PARG: variants seen among roughly 807,000 people sequenced by gnomAD.
PARG encodes poly(ADP-ribose) glycohydrolase.
PARG carries 35 observed loss-of-function variants against 113.0 expected under a neutral mutation model. The observed-to-expected ratio is 0.31, with a 90% CI of 0.24 to 0.41. The LOEUF is 0.41. Among genes scored for constraint, PARG ranks in the 10% least tolerant of loss-of-function variants. The probability of loss-of-function intolerance (pLI) is 1.00; values close to 1 mark genes in which losing one functional copy is unlikely to be tolerated. For synonymous variants in PARG, 330 were observed against 409.9 expected, an observed-to-expected ratio of 0.81 and a Z score of 2.36; for missense variants, 797 against 1,169.4, an observed-to-expected ratio of 0.68 and a Z score of 4.64.
At chr10:49,868,906 A>G (rs1222405298) in intron 10 of PARG, among the ~76,000 whole-genome samples, 2 of 152,000 alleles carry the variant, frequency 1.3e-5, no homozygotes, top group Non-Finnish European at 2.9e-5. Flanking sequence ...GGCAATACCA[A>G]TCTATTATCA....
chr10:49,891,964 T>G (rs1423904830), intron 7 of PARG, among the ~76,000 whole-genome samples: 1 of 151,844 alleles, frequency 6.6e-6, no homozygotes, highest in African/African-American at 2.4e-5. Flanking sequence ...TACCCCATTT[T>G]ATTTTTGTAT....
Position 49,869,549 on chromosome 10 carries a change from A to G in PARG, c.1995T>C (p.Phe665=), listed in dbSNP as rs782269562. 2.9e-6 allele frequency: 4 copies of G among 1,384,626 alleles called. No individual in the cohort carries two copies. In the East Asian group the frequency reaches 9.5e-5, roughly 33 times the overall value. The allele number at this position is 1,384,626 out of a possible 1,614,324, so 85.8% of individuals were successfully genotyped here. A position where few individuals can be genotyped will look rare whatever the true frequency, so the allele number is the denominator to read the frequency against. The part of the protein sequence containing the change: ...SYPDINFNRL[F]EGRSSRKPEK... ...CCGGTTTCCTTGATGAACGTCCCTCAAACAATCTAAGAGATAAAAAATAAA... is the reference window on the plus strand; with the variant it reads ...CCGGTTTCCTTGATGAACGTCCCTCGAACAATCTAAGAGATAAAAAATAAA... The change falls in exon 10 of 18, where the codon TTT becomes TTC. Residue 665 remains phenylalanine (F), a synonymous_variant. Transcript: ENST00000616448.
intron 10 of PARG, among the ~76,000 whole-genome samples, chr10:49,866,258 A>C (rs187992352): frequency 1.3e-5 from 2 of 152,194 alleles, no homozygotes; most frequent in Admixed American, 6.6e-5. Flanking sequence ...GAATACAAAA[A>C]AGCTCTTAAG....
At chr10:49,912,211 A>G (rs1554846421) in intron 7 of PARG, among the ~76,000 whole-genome samples, 2 of 152,048 alleles carry the variant, frequency 1.3e-5, no homozygotes, top group Non-Finnish European at 2.9e-5. Flanking sequence ...GAGGCACAAG[A>G]ATTGCTTGAA....
Position 49,819,296 on chromosome 10 carries a change from C to A in PARG, c.*44G>T. ...ATTACACCTGACAGCTCAAACAGGA[C>A]GTCTCTGGTGGGAGGTGGGAGGAGA... On this transcript the variant is annotated 3_prime_UTR_variant, in exon 18 of 18. Coordinates refer to ENST00000616448, the MANE Select transcript of PARG (RefSeq NM_003631.5). 1 of 1,497,316 alleles carries A rather than the reference C, an allele frequency of 6.7e-7. No individual in the cohort carries two copies. The highest frequency in any genetic ancestry group is 9.0e-7 in the Non-Finnish European group (1 of 1,105,588). 92.8% of individuals were successfully genotyped at this position (1,497,316 alleles called of 1,614,324 possible).
intron 4 of PARG, among the ~76,000 whole-genome samples, chr10:49,925,758 A>T (rs1298932452): frequency 1.2e-4 from 18 of 152,254 alleles, no homozygotes; most frequent in African/African-American, 3.9e-4. Context: ...GCCTGCCAGG[A>T]GTGCCCTCAA....
chr10:49,915,691 T>C (rs370965617), intron 7 of PARG, among the ~76,000 whole-genome samples: 2 of 152,128 alleles, frequency 1.3e-5, no homozygotes, highest in Non-Finnish European at 2.9e-5. Context: ...TTGATAATGC[T>C]GATAATGGTA....
chr10:49,929,245 T>C (rs1168125309), intron 4 of PARG, among the ~76,000 whole-genome samples: 1 of 151,070 alleles, frequency 6.6e-6, no homozygotes, highest in Non-Finnish European at 1.5e-5. Flanking sequence ...TAACACCCTC[T>C]GTCCATCTTT....
chr10:49,922,426 GA>G lies in PARG; in HGVS notation c.1579-8del, dbSNP rs1278098918. On this transcript the variant is annotated splice_polypyrimidine_tract_variant and splice_region_variant and intron_variant, in intron 5 of 17. Transcript: ENST00000616448. ...CCGCAGTTCGCTCACCATTCTTTTG[GA>G]AAAAAGAAAAACATATGAGGAAGCT... 6.2e-7 allele frequency: 1 copy of G among 1,608,206 alleles called. No individual in the cohort carries two copies. Among genetic ancestry groups the G allele is most frequent in the African/African-American group, 1.3e-5 (1 of 74,758 alleles).
At chr10:49,819,587 G>T in intron 17 of PARG, 93 bp from the exon 18 acceptor site, 1 of 922,962 alleles carries the variant, frequency 1.1e-6, no homozygotes, top group Non-Finnish European at 1.7e-6. Context: ...AATCTAAATG[G>T]CATATGCTCA....
rs573021986 is a variant in PARG, at chr10:49,856,376, C to T, written c.2353+930G>A. Among the ~76,000 whole-genome samples, 392 of 151,258 alleles carry T rather than the reference C, an allele frequency of 2.6e-3. 2 individuals are homozygous for T. Among genetic ancestry groups the T allele is most frequent in the African/African-American group, 8.6e-3 (355 of 41,184 alleles). Reference sequence around the variant, plus strand: ...TGTATTTTTAGTAGAGACGGGGTTTCATCATGTTGGCCAGGCTGGTCTTGA... The same window carrying T: ...TGTATTTTTAGTAGAGACGGGGTTTTATCATGTTGGCCAGGCTGGTCTTGA... On this transcript the variant is annotated intron_variant, in intron 13 of 17. Coordinates refer to ENST00000616448, the MANE Select transcript of PARG (RefSeq NM_003631.5).
At chr10:49,856,958 G>A (rs1283024440) in intron 13 of PARG, among the ~76,000 whole-genome samples, 2 of 142,806 alleles carry the variant, frequency 1.4e-5, no homozygotes, top group Non-Finnish European at 3.0e-5. Flanking sequence ...TCGGTGAGCC[G>A]AGATTGCACC....
chr10:49,831,649 C>A lies in PARG; in HGVS notation c.2647+1154G>T, dbSNP rs369342357. On this transcript the variant is annotated intron_variant, in intron 16 of 17. Transcript: ENST00000616448. ...AATCTTTGGTCACCAAAGGTCAGTG[C>A]AGCCTCCTGACTGGTGTACACGCTG... Among the ~76,000 whole-genome samples the A allele has an allele frequency of 4.0e-5, 6 of 150,902 alleles. No homozygotes were observed. In the East Asian group the frequency reaches 7.7e-4, roughly 19 times the overall value.
chr10:49,910,783 A>T (rs182224689), intron 7 of PARG, among the ~76,000 whole-genome samples: 666 of 152,242 alleles, frequency 4.4e-3, no homozygotes, highest in East Asian at 0.018. Flanking sequence ...GAATATTCAA[A>T]AAGTACATAA....
intron 11 of PARG, among the ~76,000 whole-genome samples, chr10:49,863,118 G>A (rs1446263609): frequency 2.0e-5 from 3 of 149,880 alleles, no homozygotes; most frequent in Non-Finnish European, 4.4e-5. Context: ...CTACACCCCC[G>A]CCCCAGGAGT....
intron 16 of PARG, among the ~76,000 whole-genome samples, chr10:49,825,824 C>A (rs782497365): frequency 1.3e-5 from 2 of 152,138 alleles, no homozygotes; most frequent in Non-Finnish European, 2.9e-5. Flanking sequence ...CTGATCCCAG[C>A]TCACAGATAG....
At chr10:49,874,429 C>T (rs1232904180) in intron 9 of PARG, among the ~76,000 whole-genome samples, 7 of 151,882 alleles carry the variant, frequency 4.6e-5, no homozygotes, top group South Asian at 2.1e-4. Flanking sequence ...TGACTTTCAG[C>T]GCTAACCAGC....
intron 4 of PARG, among the ~76,000 whole-genome samples, chr10:49,930,014 G>A (rs1404375892): frequency 6.6e-6 from 1 of 151,500 alleles, no homozygotes; most frequent in Non-Finnish European, 1.5e-5. Context: ...AGAAAATCCT[G>A]ATTCATCCAT....
intron 12 of PARG, 87 bp from the exon 13 acceptor site, chr10:49,857,540 T>C: frequency 1.5e-6 from 1 of 667,318 alleles, no homozygotes; most frequent in Non-Finnish European, 2.6e-6. Flanking sequence ...GCTCTCATCT[T>C]TTCCTCTCCC....
Sources: gnomAD v4.1 joint callset for allele counts (sites outside exome capture counted in the v4.1 genomes callset) on GRCh38, gnomAD v4.1.1 for gene constraint, MANE v1.5 for transcripts, NCBI Gene and HGNC (gene_info 2026-07-23, HGNC 2026-07-21) for gene names.